BMP6: variants seen among roughly 807,000 people sequenced by gnomAD.
BMP6 encodes the protein bone morphogenetic protein 6.
A neutral mutation model predicts 54.1 loss-of-function variants in BMP6; 17 were observed. The ratio of observed to expected loss-of-function variants is 0.31; its 90% CI spans 0.22 to 0.47. BMP6 has a LOEUF of 0.47. Among genes scored for constraint, BMP6 ranks in the 20% least tolerant of loss-of-function variants. The probability of loss-of-function intolerance (pLI) is 1.00; values close to 1 mark genes in which losing one functional copy is unlikely to be tolerated. For synonymous variants in BMP6, 328 were observed against 291.2 expected (o/e 1.13, Z -1.28); for missense variants, 720 against 690.4 (o/e 1.04, Z -0.48).
chr6:7,813,679 C>A (rs1758478111), intron 1 of BMP6, among the ~76,000 whole-genome samples: 1 of 142,092 alleles, frequency 7.0e-6, no homozygotes. Context: ...ACCCACCAAA[C>A]CCAGTATAGA....
At chr6:7,788,436 T>A (rs1443501289) in intron 1 of BMP6, among the ~76,000 whole-genome samples, 1 of 152,244 alleles carries the variant, frequency 6.6e-6, no homozygotes, top group Non-Finnish European at 1.5e-5. Context: ...GGAAAATGAC[T>A]GGCTGCCTTC....
At chr6:7,820,413 A>G (rs1413791920) in intron 1 of BMP6, among the ~76,000 whole-genome samples, 1 of 152,196 alleles carries the variant, frequency 6.6e-6, no homozygotes. Flanking sequence ...GAAAGCTCTG[A>G]GAAAAGTGTT....
At chr6:7,782,911 TAATATGAGATCCTAA>T (rs1757968302) in intron 1 of BMP6, among the ~76,000 whole-genome samples, 1 of 152,004 alleles carries the variant, frequency 6.6e-6, no homozygotes, top group Non-Finnish European at 1.5e-5. Flanking sequence ...GAGATCTCGG[TAATATGAGATCCTAA>T]AATATGAGAA....
intron 4 of BMP6, among the ~76,000 whole-genome samples, chr6:7,865,762 A>G (rs147531085): frequency 5.4e-4 from 82 of 152,272 alleles, no homozygotes; most frequent in Middle Eastern, 3.4e-3. Flanking sequence ...TGGAAGGAAA[A>G]GATTGCATTG....
intron 1 of BMP6, among the ~76,000 whole-genome samples, chr6:7,841,548 C>T (rs1470032126): frequency 2.0e-5 from 3 of 152,130 alleles, no homozygotes; most frequent in East Asian, 1.9e-4. Flanking sequence ...TACATTCAAT[C>T]GCAGGCAAAA....
intron 1 of BMP6, among the ~76,000 whole-genome samples, chr6:7,814,740 A>C (rs946171143): frequency 6.6e-6 from 1 of 152,148 alleles, no homozygotes; most frequent in African/African-American, 2.4e-5. Flanking sequence ...CTCCTCAATC[A>C]GTAATAACTA....
chr6:7,788,233 G>C (rs1213685916), intron 1 of BMP6, among the ~76,000 whole-genome samples: 1 of 152,180 alleles, frequency 6.6e-6, no homozygotes, highest in Admixed American at 6.5e-5. Context: ...TTGGCCAAAG[G>C]CTTGGTAGTA....
At chr6:7,832,662 T>C (rs1758810248) in intron 1 of BMP6, among the ~76,000 whole-genome samples, 1 of 151,298 alleles carries the variant, frequency 6.6e-6, no homozygotes, top group Admixed American at 6.6e-5. Context: ...AGTTTGTTTG[T>C]TATTTTGCAC....
chr6:7,726,736 G>A lies in BMP6; in HGVS notation c.-220G>A, dbSNP rs1286274823. On this transcript the variant is annotated 5_prime_UTR_variant, in exon 1 of 7. Transcript: ENST00000283147. ...GGCTCCCCTTCCTCCCCTCCAAGCG[G>A]TTCTCCTGGTGATCGCCCCTTCGCC... is the stretch of plus-strand genomic sequence containing the variant. The A allele has an allele frequency of 1.0e-5, 2 of 192,074 alleles. No individual in the cohort carries two copies. Among genetic ancestry groups the A allele is most frequent in the Non-Finnish European group, 2.1e-5 (2 of 96,348 alleles). The allele number at this position is 192,074 out of a possible 1,614,324, so 11.9% of individuals were successfully genotyped here.
Position 7,765,437 on chromosome 6 carries a change from C to A in BMP6, c.664+37818C>A, listed in dbSNP as rs763625276. Among the ~76,000 whole-genome samples the A allele has an allele frequency of 6.9e-4, 105 of 152,306 alleles. 1 individual carries two copies. Among genetic ancestry groups the A allele is most frequent in the Non-Finnish European group, 1.3e-3 (87 of 68,026 alleles). On this transcript the variant is annotated intron_variant, in intron 1 of 6. Coordinates refer to ENST00000283147, the MANE Select transcript of BMP6 (RefSeq NM_001718.6). ...AAAACAAAACAATACAAAGCTAGGTCAATCCTTGCTTGGTGCAGTTAGGTA... is the reference window on the plus strand; with the variant it reads ...AAAACAAAACAATACAAAGCTAGGTAAATCCTTGCTTGGTGCAGTTAGGTA...
rs115382164 is a variant in BMP6, at chr6:7,859,687, C to T, written c.858-1764C>T. 4.4e-3 allele frequency among the ~76,000 whole-genome samples: 665 copies of T among 152,196 alleles called. 2 individuals carry two copies. The highest frequency in any genetic ancestry group is 6.9e-3 in the Non-Finnish European group (467 of 68,010). On this transcript the variant is annotated intron_variant, in intron 2 of 6. Coordinates refer to ENST00000283147, the MANE Select transcript of BMP6 (RefSeq NM_001718.6). Reference sequence around the variant, plus strand: ...CCATGGACACCCCCCGCACCCCCCGCAATCTCCCTGCTCACAGTTGTTACC... The same window carrying T: ...CCATGGACACCCCCCGCACCCCCCGTAATCTCCCTGCTCACAGTTGTTACC...
intron 1 of BMP6, among the ~76,000 whole-genome samples, chr6:7,794,048 C>T (rs759086972): frequency 2.0e-5 from 3 of 152,250 alleles, no homozygotes; most frequent in Non-Finnish European, 4.4e-5. Flanking sequence ...TTCGCAAGCT[C>T]TGTCCATGGG....
chr6:7,881,236 G>A lies in BMP6; in HGVS notation c.*893G>A, dbSNP rs1201073473. On this transcript the variant is annotated 3_prime_UTR_variant, in exon 7 of 7. Transcript: ENST00000283147. Reference sequence around the variant, plus strand: ...CCAACGAAGAAAATAAAATGAGGGTGCCCAGCTTATAAGAATGGTGTTAGG... The same window carrying A: ...CCAACGAAGAAAATAAAATGAGGGTACCCAGCTTATAAGAATGGTGTTAGG... 2 of 152,592 alleles carry A rather than the reference G, an allele frequency of 1.3e-5. No homozygotes were observed. The highest frequency in any genetic ancestry group is 1.9e-4 in the East Asian group (1 of 5,200). The allele number at this position is 152,592 out of a possible 1,614,324, so 9.5% of individuals were successfully genotyped here. A position where few individuals can be genotyped will look rare whatever the true frequency, so the allele number is the denominator to read the frequency against.
chr6:7,852,523 G>A (rs1759159142), intron 2 of BMP6, among the ~76,000 whole-genome samples: 1 of 152,244 alleles, frequency 6.6e-6, no homozygotes. Flanking sequence ...GCTGCAGTGA[G>A]CTATGATTGC....
rs371361250 is a variant in BMP6 at position 7,874,716 on chromosome 6, C to T, written c.1205-4358C>T. 3.3e-5 allele frequency among the ~76,000 whole-genome samples: 5 copies of T among 152,254 alleles called. 1 individual carries two copies. Among genetic ancestry groups the T allele is most frequent in the Admixed American group, 6.5e-5 (1 of 15,306 alleles). On this transcript the variant is annotated intron_variant, in intron 4 of 6. Transcript: ENST00000283147. ...TGAGCCATGATCACACCACTGCACTCCAGCCTGGGCAATGGAGTGAGACCC... is the reference window on the plus strand; with the variant it reads ...TGAGCCATGATCACACCACTGCACTTCAGCCTGGGCAATGGAGTGAGACCC...
chr6:7,880,283 C>G lies in BMP6; in HGVS notation c.1482C>G (p.Asn494Lys). The change falls in exon 7 of 7, where the codon AAC (asparagine) becomes AAG (lysine). Residue 494 changes from asparagine to lysine, a missense_variant. This residue lies in a region of BMP6 where 43 missense variants were observed against 54.0 expected (regional missense o/e 0.80). Transcript: ENST00000283147. ...NAISVLYFDD[N>K]SNVILKKYRN... ...TCTCGGTTCTTTACTTTGATGACAACTCCAATGTCATTCTGAAAAAATACA... is the reference window on the plus strand; with the variant it reads ...TCTCGGTTCTTTACTTTGATGACAAGTCCAATGTCATTCTGAAAAAATACA... 1 of 1,614,124 alleles carries G rather than the reference C, an allele frequency of 6.2e-7. No individual in the cohort carries two copies. Among genetic ancestry groups the G allele is most frequent in the Non-Finnish European group, 8.5e-7 (1 of 1,180,010 alleles).
intron 2 of BMP6, among the ~76,000 whole-genome samples, chr6:7,850,659 C>T (rs920117126): frequency 1.3e-5 from 2 of 152,194 alleles, no homozygotes; most frequent in Non-Finnish European, 2.9e-5. Flanking sequence ...GAACCATTCA[C>T]AGAGATCGGG....
chr6:7,726,963 G>T lies in BMP6; in HGVS notation c.8G>T (p.Gly3Val). 2.6e-6 allele frequency: 3 copies of T among 1,135,496 alleles called. No individual in the cohort carries two copies. The highest frequency in any genetic ancestry group is 8.5e-5 in the South Asian group (2 of 23,500). The allele number at this position is 1,135,496 out of a possible 1,614,324, so 70.3% of individuals were successfully genotyped here. A position where few individuals can be genotyped will look rare whatever the true frequency, so the allele number is the denominator to read the frequency against. ...CAGCCCGGCCGGGCGGGGATGCCGG[G>T]GCTGGGGCGGAGGGCGCAGTGGCTG... MP[G>V]LGRRAQWLCW... is the part of the protein sequence containing the mutation. Residue 3 changes from glycine to valine, a missense_variant, in exon 1 of 7, where the codon GGG becomes GTG. Coordinates refer to ENST00000283147, the MANE Select transcript of BMP6 (RefSeq NM_001718.6).
chr6:7,727,784 G>A (rs1292358729), intron 1 of BMP6, among the ~76,000 whole-genome samples, 165 bp downstream of exon 1: 3 of 151,558 alleles, frequency 2.0e-5, no homozygotes, highest in African/African-American at 7.3e-5. Flanking sequence ...CCTGCGCGGC[G>A]GTGGGCGGCA....
Sources: allele counts gnomAD v4.1 joint callset (sites outside exome capture counted in the v4.1 genomes callset), GRCh38; gene constraint gnomAD v4.1.1; regional missense constraint gnomAD v4.1.1; transcripts MANE v1.5; gene names NCBI Gene and HGNC (gene_info 2026-07-23, HGNC 2026-07-21).